The following RBFOX1 variants were observed in gnomAD, a reference collection of about 807,000 sequenced individuals.
RBFOX1 encodes the protein RNA binding fox-1 homolog 1, also known as RNA binding protein fox-1 homolog 1.
RBFOX1 carries 8 observed loss-of-function variants against 57.7 expected under a neutral mutation model. The observed-to-expected ratio is 0.14, with a 90% CI of 0.08 to 0.25. The LOEUF (loss-of-function observed/expected upper bound fraction) is 0.25, where lower values mean the gene tolerates loss of function less well. RBFOX1 is among the 10% of genes least tolerant of loss of function. The probability of loss-of-function intolerance (pLI) is 1.00; values close to 1 mark genes in which losing one functional copy is unlikely to be tolerated. For synonymous variants in RBFOX1, 326 were observed against 222.4 expected, an observed-to-expected ratio of 1.47 and a Z score of -4.15; for missense variants, 611 against 548.5, an observed-to-expected ratio of 1.11 and a Z score of -1.14.
intron 7 of RBFOX1, among the ~76,000 whole-genome samples, chr16:7,588,566 C>G (rs533312690): frequency 6.6e-6 from 1 of 152,282 alleles, no homozygotes; most frequent in African/African-American, 2.4e-5. Context: ...TTTAAGTTCC[C>G]TTCTCCTTGC....
At chr16:7,505,675 C>A (rs575721764) in intron 4 of RBFOX1, among the ~76,000 whole-genome samples, 1 of 152,106 alleles carries the variant, frequency 6.6e-6, no homozygotes, top group Non-Finnish European at 1.5e-5. Context: ...CACTGCAAGT[C>A]GACCGCCCAC....
At chr16:5,571,005 A>T (rs1350837132) in intron 2 of RBFOX1, among the ~76,000 whole-genome samples, 2 of 152,192 alleles carry the variant, frequency 1.3e-5, no homozygotes, top group African/African-American at 4.8e-5. Context: ...TCAAAATAAT[A>T]TTCAGCTCTC....
intron 3 of RBFOX1, among the ~76,000 whole-genome samples, chr16:5,726,672 C>G (rs34395325): frequency 0.16 from 24,638 of 152,192 alleles, 2,539 homozygotes; most frequent in East Asian, 0.38. Flanking sequence ...CAAGGCTTAA[C>G]TCTACTGTAT....
chr16:6,769,057 A>T (rs2077859198), intron 3 of RBFOX1, among the ~76,000 whole-genome samples: 1 of 151,982 alleles, frequency 6.6e-6, no homozygotes, highest in African/African-American at 2.4e-5. Flanking sequence ...TTAACAGTTG[A>T]TATTGTTTGG....
intron 3 of RBFOX1, among the ~76,000 whole-genome samples, chr16:5,817,046 G>C (rs1424016918): frequency 6.6e-6 from 1 of 152,152 alleles, no homozygotes; most frequent in Non-Finnish European, 1.5e-5. Context: ...CCCACCTCCA[G>C]TAAATCCCAG....
Position 5,946,432 on chromosome 16 carries a change from G to A in RBFOX1, c.351+79097G>A, listed in dbSNP as rs1233653002. Among the ~76,000 whole-genome samples the A allele has an allele frequency of 6.6e-6, 1 of 152,110 alleles. No homozygotes were observed. The highest frequency in any genetic ancestry group is 1.5e-5 in the Non-Finnish European group (1 of 68,032). On this transcript the variant is annotated intron_variant, in intron 4 of 19. Transcript: ENST00000641259. This position sits in a 1 kb window ranked among gnomAD's most constrained non-coding sequence, Gnocchi z 4.6. Reference sequence around the variant, plus strand: ...TGCCGGATGCACTACTCTATCTTGCGACAGAGCCATGAACAGCTCAGCCAA... The same window carrying A: ...TGCCGGATGCACTACTCTATCTTGCAACAGAGCCATGAACAGCTCAGCCAA...
At chr16:6,347,891 C>T (rs1420193484) in intron 2 of RBFOX1, among the ~76,000 whole-genome samples, 1 of 152,164 alleles carries the variant, frequency 6.6e-6, no homozygotes, top group Non-Finnish European at 1.5e-5. Context: ...CCTCCAACAG[C>T]TCATTTGCTC....
rs537214455 is a variant in RBFOX1 at position 6,430,829 on chromosome 16, A to G, written c.-64+113772A>G. On this transcript the variant is annotated intron_variant, in intron 2 of 15. Transcript: ENST00000550418. ...TGGATACAAGATTAAAGGCAGGGAG[A>G]CTAGTCAAGAAGTTACTGTGGTCAG... Among the ~76,000 whole-genome samples the G allele has an allele frequency of 6.6e-5, 10 of 152,130 alleles. No homozygotes were observed. The East Asian group carries it at 1.9e-3, about 29-fold the overall frequency.
chr16:6,661,053 G>T (rs1261417421), intron 3 of RBFOX1, among the ~76,000 whole-genome samples: 1 of 152,186 alleles, frequency 6.6e-6, no homozygotes, highest in South Asian at 2.1e-4. Context: ...GACCTGGAAG[G>T]TGATACCTTC....
At chr16:6,745,202 A>G (rs2073284653) in intron 3 of RBFOX1, among the ~76,000 whole-genome samples, 1 of 152,212 alleles carries the variant, frequency 6.6e-6, no homozygotes, top group Non-Finnish European at 1.5e-5. Flanking sequence ...TCTTCCCTCT[A>G]AGAAAATTCC....
At chr16:6,252,582 T>C (rs1454153667) in intron 1 of RBFOX1, among the ~76,000 whole-genome samples, 2 of 151,274 alleles carry the variant, frequency 1.3e-5, no homozygotes, top group African/African-American at 4.8e-5. Context: ...AGGATGCTGT[T>C]GATCTGCTTT....
intron 3 of RBFOX1, among the ~76,000 whole-genome samples, chr16:5,832,126 A>G (rs1200051675): frequency 3.3e-5 from 5 of 152,220 alleles, no homozygotes; most frequent in Non-Finnish European, 7.3e-5. Context: ...GAACTGAAAC[A>G]GAAGCAGAAC....
chr16:6,140,149 T>A (rs1210201395), intron 1 of RBFOX1, among the ~76,000 whole-genome samples: 2 of 152,084 alleles, frequency 1.3e-5, no homozygotes, highest in Non-Finnish European at 2.9e-5. Flanking sequence ...TGTCTGATAA[T>A]TCGTAAACTT....
intron 3 of RBFOX1, among the ~76,000 whole-genome samples, chr16:7,005,024 A>G (rs1230776353): frequency 6.6e-6 from 1 of 152,186 alleles, no homozygotes; most frequent in Non-Finnish European, 1.5e-5. Flanking sequence ...CGTGCCTGTT[A>G]TCCCAGCTAC....
chr16:5,749,735 C>G (rs577255006), intron 3 of RBFOX1, among the ~76,000 whole-genome samples: 17 of 152,276 alleles, frequency 1.1e-4, no homozygotes, highest in Admixed American at 1.3e-4. Context: ...TTAAGGACTT[C>G]TCTACACTGG....
At chr16:7,675,714 C>G (rs1257989929) in intron 13 of RBFOX1, among the ~76,000 whole-genome samples, 1 of 150,278 alleles carries the variant, frequency 6.7e-6, no homozygotes, top group Non-Finnish European at 1.5e-5. Flanking sequence ...TCTCATGATT[C>G]TGCTGTTGTA....
At chr16:7,209,347 T>C (rs2090652607) in intron 4 of RBFOX1, among the ~76,000 whole-genome samples, 2 of 152,118 alleles carry the variant, frequency 1.3e-5, no homozygotes, top group Non-Finnish European at 2.9e-5. Context: ...AATAAATAAA[T>C]AAATAACAAG....
At chr16:5,301,632 A>AAC (rs1555484660) in intron 1 of RBFOX1, among the ~76,000 whole-genome samples, 8 of 150,642 alleles carry the variant, frequency 5.3e-5, no homozygotes, top group African/African-American at 2.0e-4. Flanking sequence ...AAAAAAAAAA[A>AAC]AAAAAACACA....
chr16:6,980,667 C>T (rs1219302530), intron 3 of RBFOX1, among the ~76,000 whole-genome samples: 2 of 152,134 alleles, frequency 1.3e-5, no homozygotes, highest in Non-Finnish European at 2.9e-5. Context: ...GAACACAATA[C>T]AGCTAAATTT....
Sources: gnomAD v4.1 joint callset for allele counts (sites outside exome capture counted in the v4.1 genomes callset) on GRCh38, gnomAD v4.1.1 for gene constraint, Gnocchi (gnomAD v3.1) non-coding constraint, MANE v1.5 for transcripts, NCBI Gene and HGNC (gene_info 2026-07-23, HGNC 2026-07-21) for gene names.